Variants in CFAP299 observed in about 807,000 individuals in gnomAD.
CFAP299 encodes the protein cilia and flagella associated protein 299.
Under a neutral mutation model 27.0 loss-of-function variants are expected in CFAP299, and 21 were observed. That is an observed-to-expected ratio of 0.78 (90% CI 0.55 to 1.12). CFAP299 has a LOEUF of 1.12. Ranked by LOEUF, CFAP299 falls within the 50% of genes most tolerant of loss-of-function variation. CFAP299 has a pLI of 0.00. For missense variants in CFAP299, 310 were observed against 276.6 expected (o/e 1.12, Z -0.86); for synonymous variants, 104 against 98.1 (o/e 1.06, Z -0.36).
chr4:80,391,593 G>A (rs1008439629), intron 2 of CFAP299, among the ~76,000 whole-genome samples: 27 of 152,176 alleles, frequency 1.8e-4, no homozygotes, highest in Admixed American at 1.0e-3. Context: ...ATTTCTTGGT[G>A]ATGTCATAGT....
At chr4:80,774,719 G>C (rs1223892111) in intron 3 of CFAP299, among the ~76,000 whole-genome samples, 1 of 151,972 alleles carries the variant, frequency 6.6e-6, no homozygotes. Context: ...TGTGAAATCA[G>C]CATTCACATA....
At chr4:80,909,374 A>G (rs1050266696) in intron 4 of CFAP299, among the ~76,000 whole-genome samples, 11 of 152,118 alleles carry the variant, frequency 7.2e-5, no homozygotes, top group Non-Finnish European at 1.5e-4. Flanking sequence ...TAATTTAATT[A>G]TAATGACAAT....
At chr4:80,349,043 T>A (rs1338447579) in intron 1 of CFAP299, among the ~76,000 whole-genome samples, 1 of 152,152 alleles carries the variant, frequency 6.6e-6, no homozygotes, top group East Asian at 1.9e-4. Flanking sequence ...CCTGCAAGGA[T>A]AACCTAGAAT....
At chr4:80,616,854 A>G (rs1207075247) in intron 3 of CFAP299, among the ~76,000 whole-genome samples, 1 of 152,150 alleles carries the variant, frequency 6.6e-6, no homozygotes, top group African/African-American at 2.4e-5. Flanking sequence ...TGTACATTTT[A>G]TACATAATAT....
intron 3 of CFAP299, among the ~76,000 whole-genome samples, chr4:80,728,255 C>T (rs1376496833): frequency 1.3e-5 from 2 of 151,876 alleles, no homozygotes; most frequent in African/African-American, 2.4e-5. Flanking sequence ...AAATAATTTT[C>T]GAGCTGTTTT....
intron 2 of CFAP299, among the ~76,000 whole-genome samples, chr4:80,490,749 G>T (rs1162786874): frequency 6.6e-6 from 1 of 151,950 alleles, no homozygotes; most frequent in African/African-American, 2.4e-5. Flanking sequence ...AAATCCCACA[G>T]TTTGAAATTC....
In CFAP299 at chr4:80,849,598, G is replaced by T. The variant is rs548194941; in HGVS notation, c.334-20395G>T. ...ATAGTTTTGCTGGAAATTTTGAGGG[G>T]ATTAGTGATAGGTACATAGAAAATC... On this transcript the variant is annotated intron_variant, in intron 3 of 5. Transcript: ENST00000358105. 4.6e-5 allele frequency among the ~76,000 whole-genome samples: 7 copies of T among 152,228 alleles called. No individual in the cohort carries two copies. The East Asian group carries it at 1.2e-3, about 25-fold the overall frequency.
Position 80,755,021 on chromosome 4 carries a change from G to A in CFAP299, c.334-114972G>A, listed in dbSNP as rs534879155. On this transcript the variant is annotated intron_variant, in intron 3 of 5. Coordinates refer to ENST00000358105, the MANE Select transcript of CFAP299 (RefSeq NM_152770.3). Reference sequence around the variant, plus strand: ...CATTAATTGTCAAGACACAACAAGAGATCTTCTCCCAGAGATCTGGAGTTT... The same window carrying A: ...CATTAATTGTCAAGACACAACAAGAAATCTTCTCCCAGAGATCTGGAGTTT... 2.0e-5 allele frequency among the ~76,000 whole-genome samples: 3 copies of A among 152,228 alleles called. No individual in the cohort carries two copies. In the East Asian group the frequency reaches 5.8e-4, roughly 29 times the overall value.
intron 2 of CFAP299, among the ~76,000 whole-genome samples, chr4:80,421,172 G>A (rs1029200588): frequency 3.5e-4 from 53 of 152,192 alleles, no homozygotes; most frequent in African/African-American, 1.3e-3. Flanking sequence ...CCAATTCTGG[G>A]ATCTCATGAC....
chr4:80,846,165 A>G (rs1731172865), intron 3 of CFAP299, among the ~76,000 whole-genome samples: 1 of 152,168 alleles, frequency 6.6e-6, no homozygotes, highest in Non-Finnish European at 1.5e-5. Context: ...CTCCTGAGGC[A>G]GTGTGATAGG....
At chr4:80,414,477 A>G (rs142126697) in intron 2 of CFAP299, among the ~76,000 whole-genome samples, 5 of 152,330 alleles carry the variant, frequency 3.3e-5, no homozygotes, top group Admixed American at 2.0e-4. Flanking sequence ...GTTCACTTAG[A>G]ACATCAAAGG....
chr4:80,505,753 C>T (rs1204442474), intron 2 of CFAP299, among the ~76,000 whole-genome samples: 1 of 151,950 alleles, frequency 6.6e-6, no homozygotes, highest in East Asian at 1.9e-4. Flanking sequence ...TTTTTAATTG[C>T]CTCATAAAGA....
chr4:80,473,461 A>G lies in CFAP299; in HGVS notation c.243-109632A>G, dbSNP rs1001040351. Among the ~76,000 whole-genome samples, 4 of 152,038 alleles carry G rather than the reference A, an allele frequency of 2.6e-5. No individual in the cohort carries two copies. The South Asian group carries it at 8.3e-4, about 32-fold the overall frequency. On this transcript the variant is annotated intron_variant, in intron 2 of 5. Transcript: ENST00000358105. Reference sequence around the variant, plus strand: ...GTCTCCTGCTTAAAAAAAAAAATCTAATGTGTAAATTTTTTAGGGAGACGA... The same window carrying G: ...GTCTCCTGCTTAAAAAAAAAAATCTGATGTGTAAATTTTTTAGGGAGACGA...
At chr4:80,827,532 A>G (rs1457212443) in intron 3 of CFAP299, among the ~76,000 whole-genome samples, 1 of 151,866 alleles carries the variant, frequency 6.6e-6, no homozygotes, top group African/African-American at 2.4e-5. Context: ...TGATAAAAAC[A>G]CTCAGCAAAC....
At chr4:80,953,415 C>T (rs1324893424) in intron 5 of CFAP299, among the ~76,000 whole-genome samples, 1 of 152,136 alleles carries the variant, frequency 6.6e-6, no homozygotes, top group East Asian at 1.9e-4. Context: ...TAAACATTTT[C>T]TCCTCTGGGT....
intron 2 of CFAP299, among the ~76,000 whole-genome samples, chr4:80,558,304 A>G (rs1734871675): frequency 6.6e-6 from 1 of 151,222 alleles, no homozygotes; most frequent in Non-Finnish European, 1.5e-5. Context: ...AATAATGTAC[A>G]ATTTCTGTTC....
chr4:80,700,331 G>T (rs1721395465), intron 3 of CFAP299, among the ~76,000 whole-genome samples: 1 of 152,088 alleles, frequency 6.6e-6, no homozygotes, highest in Non-Finnish European at 1.5e-5. Flanking sequence ...AACAATGAAT[G>T]GCACTTAATA....
chr4:80,853,970 A>G (rs1237796658), intron 3 of CFAP299, among the ~76,000 whole-genome samples: 1 of 152,196 alleles, frequency 6.6e-6, no homozygotes, highest in Non-Finnish European at 1.5e-5. Context: ...AAAAAGTGAT[A>G]ATTAAGTAAA....
At chr4:80,408,721 T>C (rs1319970074) in intron 2 of CFAP299, among the ~76,000 whole-genome samples, 1 of 151,924 alleles carries the variant, frequency 6.6e-6, no homozygotes, top group Non-Finnish European at 1.5e-5. Context: ...TTTGAGGAAA[T>C]GGATAAGAAT....
Sources: allele counts gnomAD v4.1 joint callset (sites outside exome capture counted in the v4.1 genomes callset), GRCh38; gene constraint gnomAD v4.1.1; transcripts MANE v1.5; gene names NCBI Gene and HGNC (gene_info 2026-07-23, HGNC 2026-07-21).